Variants in NFATC2 observed in about 807,000 individuals in gnomAD.
NFATC2 encodes nuclear factor of activated T cells 2.
A neutral mutation model predicts 87.3 loss-of-function variants in NFATC2; 22 were observed. That is an observed-to-expected ratio of 0.25 (90% CI 0.18 to 0.36). The LOEUF is 0.36. Among genes scored for constraint, NFATC2 ranks in the 10% least tolerant of loss-of-function variants. The pLI, the probability that NFATC2 is intolerant of heterozygous loss-of-function variation, is 1.00. For missense variants in NFATC2, 1,149 were observed against 1,259.1 expected (o/e 0.91, Z 1.32); for synonymous variants, 565 against 542.2 (o/e 1.04, Z -0.58).
upstream of NFATC2, among the ~76,000 whole-genome samples, chr20:51,547,207 T>A (rs547448457): frequency 6.6e-6 from 1 of 152,274 alleles, no homozygotes; most frequent in African/African-American, 2.4e-5. Context: ...ATGGTTCTTA[T>A]AGCCGTCCAG....
At chr20:51,557,688 C>T (rs2146845317) in intron 1 of NFATC2, among the ~76,000 whole-genome samples, 1 of 152,276 alleles carries the variant, frequency 6.6e-6, no homozygotes, top group East Asian at 1.9e-4. Flanking sequence ...AGAGTGCGGT[C>T]CTTCAGCTTG....
At chr20:51,397,430 C>T (rs1050184517) in intron 10 of NFATC2, among the ~76,000 whole-genome samples, 1 of 152,208 alleles carries the variant, frequency 6.6e-6, no homozygotes, top group African/African-American at 2.4e-5. Context: ...AATCCCCTCC[C>T]AGGCCACGCT....
At chr20:51,503,768 G>A (rs1029669089) in intron 3 of NFATC2, among the ~76,000 whole-genome samples, 1 of 152,218 alleles carries the variant, frequency 6.6e-6, no homozygotes, top group African/African-American at 2.4e-5. Context: ...CTGGGGCAGG[G>A]TAGATACCAA....
At chr20:51,407,189 A>G (rs191958540) in intron 9 of NFATC2, among the ~76,000 whole-genome samples, 15 of 152,214 alleles carry the variant, frequency 9.9e-5, no homozygotes, top group Non-Finnish European at 1.9e-4. Context: ...TCTCTTGATA[A>G]GACCTCTTCT....
At chr20:51,400,772 G>A (rs1263028578) in intron 9 of NFATC2, among the ~76,000 whole-genome samples, 1 of 152,148 alleles carries the variant, frequency 6.6e-6, no homozygotes, top group Non-Finnish European at 1.5e-5. Context: ...TCCGGGGGTG[G>A]TGGTGAGAGT....
chr20:51,478,139 A>T, intron 3 of NFATC2, among the ~76,000 whole-genome samples: 1 of 152,218 alleles, frequency 6.6e-6, no homozygotes, highest in East Asian at 1.9e-4. Context: ...CCTGCCAGAC[A>T]CTTACATAAG....
At chr20:51,549,837 C>A (rs1345279384) in intron 1 of NFATC2, among the ~76,000 whole-genome samples, 1 of 152,212 alleles carries the variant, frequency 6.6e-6, no homozygotes. Flanking sequence ...CCTGGAATAA[C>A]CTGTGCTTAG....
chr20:51,495,130 G>A (rs563450476), intron 3 of NFATC2, among the ~76,000 whole-genome samples: 1 of 152,248 alleles, frequency 6.6e-6, no homozygotes, highest in East Asian at 1.9e-4. Context: ...CATCACCCAG[G>A]CTGGAGTGCA....
chr20:51,513,602 G>A (rs1239175603), intron 3 of NFATC2, among the ~76,000 whole-genome samples: 1 of 152,246 alleles, frequency 6.6e-6, no homozygotes. Flanking sequence ...CTCCTGGACT[G>A]TACACTCAGC....
chr20:51,534,159 A>C (rs1377554784), intron 1 of NFATC2, among the ~76,000 whole-genome samples: 1 of 152,092 alleles, frequency 6.6e-6, no homozygotes, highest in African/African-American at 2.4e-5. Context: ...AGAGATGGGG[A>C]AATTGAGGCT....
At chr20:51,560,121 G>C (rs1476022296) in intron 1 of NFATC2, among the ~76,000 whole-genome samples, 1 of 152,334 alleles carries the variant, frequency 6.6e-6, no homozygotes, top group South Asian at 2.1e-4. Flanking sequence ...AACAGGATTT[G>C]TAGCTAATAT....
intron 3 of NFATC2, among the ~76,000 whole-genome samples, chr20:51,487,402 A>G (rs1989803619): frequency 6.6e-6 from 1 of 152,230 alleles, no homozygotes; most frequent in African/African-American, 2.4e-5. Context: ...TACCTAGGTG[A>G]TGGGTTGACA....
chr20:51,448,651 C>CA (rs1489757448), intron 6 of NFATC2, among the ~76,000 whole-genome samples: 14 of 149,740 alleles, frequency 9.3e-5, no homozygotes, highest in East Asian at 2.0e-4. Flanking sequence ...AACTCCGTCT[C>CA]AAAAAAAAAG....
At chr20:51,550,187 T>C (rs778942481) in intron 1 of NFATC2, among the ~76,000 whole-genome samples, 1 of 151,724 alleles carries the variant, frequency 6.6e-6, no homozygotes, top group Non-Finnish European at 1.5e-5. Flanking sequence ...CTATGAAAAA[T>C]AAAAATACAT....
intron 5 of NFATC2, among the ~76,000 whole-genome samples, chr20:51,468,396 C>G (rs2146489453): frequency 6.6e-6 from 1 of 152,270 alleles, no homozygotes; most frequent in African/African-American, 2.4e-5. Flanking sequence ...TAACCCACAC[C>G]CCATACCCAC....
intron 5 of NFATC2, among the ~76,000 whole-genome samples, chr20:51,471,894 C>A (rs1458735832): frequency 1.3e-5 from 2 of 152,142 alleles, no homozygotes; most frequent in African/African-American, 4.8e-5. Context: ...CTGATGGATG[C>A]AGCAAAGCAC....
intron 9 of NFATC2, among the ~76,000 whole-genome samples, chr20:51,428,738 G>A (rs562000408): frequency 1.3e-5 from 2 of 152,316 alleles, no homozygotes; most frequent in African/African-American, 4.8e-5. Context: ...TGTGTCCACT[G>A]GTGACTGCTT....
At chr20:51,488,469 G>T (rs1167691050) in intron 3 of NFATC2, among the ~76,000 whole-genome samples, 1 of 152,178 alleles carries the variant, frequency 6.6e-6, no homozygotes, top group Non-Finnish European at 1.5e-5. Context: ...CCAGTAGGTA[G>T]CAGCAGCCAC....
intron 9 of NFATC2, among the ~76,000 whole-genome samples, chr20:51,414,818 G>C (rs1046220445): frequency 1.3e-5 from 2 of 152,180 alleles, no homozygotes; most frequent in African/African-American, 4.8e-5. Context: ...AGGGGTGGGC[G>C]AGGCTGATCA....
Sources: gnomAD v4.1 joint callset for allele counts (sites outside exome capture counted in the v4.1 genomes callset) on GRCh38, gnomAD v4.1.1 for gene constraint, MANE v1.5 for transcripts, NCBI Gene and HGNC (gene_info 2026-07-23, HGNC 2026-07-21) for gene names.